The following COBL variants were observed in gnomAD, a reference collection of about 807,000 sequenced individuals.
COBL encodes cordon-bleu WH2 repeat protein, also known as protein cordon-bleu.
Under a neutral mutation model 98.8 loss-of-function variants are expected in COBL, and 51 were observed. The observed-to-expected ratio is 0.52, with a 90% CI of 0.41 to 0.65. The LOEUF is 0.65. Among genes scored for constraint, COBL ranks in the 30% least tolerant of loss-of-function variants. The probability of loss-of-function intolerance (pLI) is 0.00; values close to 1 mark genes in which losing one functional copy is unlikely to be tolerated. For missense variants in COBL, 1,617 were observed against 1,617.5 expected (o/e 1.00, Z 0.01); for synonymous variants, 634 against 651.7 (o/e 0.97, Z 0.41).
At chr7:51,104,769 G>C (rs1016131170) in intron 6 of COBL, among the ~76,000 whole-genome samples, 2 of 152,166 alleles carry the variant, frequency 1.3e-5, no homozygotes, top group African/African-American at 4.8e-5. Context: ...GGTCCTGAGA[G>C]AATTCAGTCA....
At chr7:51,304,887 A>G (rs1363264813) in intron 1 of COBL, among the ~76,000 whole-genome samples, 1 of 152,172 alleles carries the variant, frequency 6.6e-6, no homozygotes, top group Non-Finnish European at 1.5e-5. Flanking sequence ...CGAAGTGACA[A>G]AGCTTTCAGG....
At position 51,180,370 on chromosome 7, in the gene COBL, A is replaced by G. The variant is rs1387996960; in HGVS notation, c.783+3732T>C. Among the ~76,000 whole-genome samples, 3 of 152,306 alleles carry G rather than the reference A, an allele frequency of 2.0e-5. No homozygotes were observed. The South Asian group carries it at 6.2e-4, about 32-fold the overall frequency. ...CCCAGTAATCTCAAGATATTTTGAG[A>G]TCTCGAGAAGAAAGAAATTCACTGA... On this transcript the variant is annotated intron_variant, in intron 5 of 12. Transcript: ENST00000265136.
At chr7:51,291,627 G>C (rs1380736354) in intron 1 of COBL, among the ~76,000 whole-genome samples, 2 of 152,082 alleles carry the variant, frequency 1.3e-5, no homozygotes, top group Non-Finnish European at 2.9e-5. Context: ...TGGGTGTGGT[G>C]GTGGATGCCT....
At chr7:51,263,464 A>G (rs1435769039) in intron 1 of COBL, among the ~76,000 whole-genome samples, 1 of 152,202 alleles carries the variant, frequency 6.6e-6, no homozygotes, top group East Asian at 1.9e-4. Flanking sequence ...AAATCAGAAG[A>G]GCATTTCAGA....
At chr7:51,140,016 T>C (rs928605689) in intron 5 of COBL, among the ~76,000 whole-genome samples, 1 of 152,178 alleles carries the variant, frequency 6.6e-6, no homozygotes, top group East Asian at 1.9e-4. Context: ...TATCAAGTTC[T>C]TTTTTTGTAG....
chr7:51,058,984 G>C (rs1791052647), intron 7 of COBL, among the ~76,000 whole-genome samples: 3 of 152,200 alleles, frequency 2.0e-5, no homozygotes, highest in Admixed American at 6.5e-5. Context: ...CATGTCCCCA[G>C]ACTGCACATG....
At chr7:51,104,353 C>T (rs1187831574) in intron 6 of COBL, among the ~76,000 whole-genome samples, 1 of 152,110 alleles carries the variant, frequency 6.6e-6, no homozygotes, top group African/African-American at 2.4e-5. Flanking sequence ...GCCAGAACAG[C>T]CTAGAAAAGC....
chr7:51,233,860 T>G (rs1356840103), intron 1 of COBL, among the ~76,000 whole-genome samples: 1 of 152,244 alleles, frequency 6.6e-6, no homozygotes, highest in African/African-American at 2.4e-5. Flanking sequence ...ACTAACAAAC[T>G]TGTGCATGTT....
intron 12 of COBL, among the ~76,000 whole-genome samples, chr7:51,018,903 AAAATATATATATAT>A (rs1428830624): frequency 1.7e-5 from 1 of 57,212 alleles, no homozygotes; most frequent in African/African-American, 8.1e-5. Context: ...AAAAAAAAAA[AAAATATATATATAT>A]ATATATATAT....
intron 5 of COBL, among the ~76,000 whole-genome samples, chr7:51,162,921 C>G (rs1025330715): frequency 6.6e-6 from 1 of 152,152 alleles, no homozygotes; most frequent in African/African-American, 2.4e-5. Context: ...GGGGGAGCAC[C>G]AATAAAGCCA....
intron 1 of COBL, among the ~76,000 whole-genome samples, chr7:51,287,681 A>G (rs1201853975): frequency 3.3e-5 from 5 of 152,204 alleles, no homozygotes; most frequent in African/African-American, 1.2e-4. Flanking sequence ...ACACCTGTAC[A>G]TGAATGTTTA....
At chr7:51,250,360 A>G (rs940819301) in intron 1 of COBL, among the ~76,000 whole-genome samples, 3 of 152,234 alleles carry the variant, frequency 2.0e-5, no homozygotes, top group African/African-American at 7.2e-5. Context: ...TATAATTATA[A>G]AATGTAATTA....
At chr7:51,202,792 G>A (rs1192484553) in intron 2 of COBL, among the ~76,000 whole-genome samples, 2 of 152,194 alleles carry the variant, frequency 1.3e-5, no homozygotes, top group African/African-American at 4.8e-5. Context: ...TGTAATCCCA[G>A]CACTTTGGGA....
intron 1 of COBL, among the ~76,000 whole-genome samples, chr7:51,261,513 T>C (rs1191145033): frequency 6.6e-6 from 1 of 152,154 alleles, no homozygotes; most frequent in Non-Finnish European, 1.5e-5. Flanking sequence ...AAAACACCAA[T>C]GGTGATTTCG....
At chr7:51,090,656 C>T (rs1183121713) in intron 6 of COBL, among the ~76,000 whole-genome samples, 3 of 152,190 alleles carry the variant, frequency 2.0e-5, no homozygotes, top group Non-Finnish European at 4.4e-5. Flanking sequence ...CAGGCAAAGG[C>T]CAGCACAGCT....
intron 6 of COBL, among the ~76,000 whole-genome samples, chr7:51,118,749 T>C (rs1230929571): frequency 6.6e-6 from 1 of 152,160 alleles, no homozygotes; most frequent in African/African-American, 2.4e-5. Context: ...TAGGTTAGTG[T>C]TGGTGGAGTC....
intron 5 of COBL, among the ~76,000 whole-genome samples, chr7:51,150,331 G>C (rs528532472): frequency 6.6e-6 from 1 of 152,180 alleles, no homozygotes; most frequent in Admixed American, 6.5e-5. Context: ...TAGTGCTCAT[G>C]ATTGAACGTA....
intron 8 of COBL, among the ~76,000 whole-genome samples, chr7:51,041,995 T>C (rs1258510018): frequency 6.6e-6 from 1 of 152,012 alleles, no homozygotes; most frequent in Non-Finnish European, 1.5e-5. Context: ...AACGTGCACA[T>C]GGACACTTGA....
chr7:51,020,374 G>GC (rs1162021996), intron 12 of COBL, among the ~76,000 whole-genome samples: 1 of 152,114 alleles, frequency 6.6e-6, no homozygotes, highest in Non-Finnish European at 1.5e-5. Flanking sequence ...CCGCACCCCT[G>GC]CCCCCTTCCT....
Sources: allele counts gnomAD v4.1 joint callset (sites outside exome capture counted in the v4.1 genomes callset), GRCh38; gene constraint gnomAD v4.1.1; transcripts MANE v1.5; gene names NCBI Gene and HGNC (gene_info 2026-07-23, HGNC 2026-07-21).